NEBL: variants seen among roughly 807,000 people sequenced by gnomAD.
NEBL encodes the protein nebulette.
A neutral mutation model predicts 140.2 loss-of-function variants in NEBL; 122 were observed. The observed-to-expected ratio is 0.87, with a 90% CI of 0.75 to 1.01. The LOEUF is 1.01. Ranked by LOEUF, NEBL falls within the 50% of genes least tolerant of loss-of-function variation. The probability of loss-of-function intolerance (pLI) is 0.00; values close to 1 mark genes in which losing one functional copy is unlikely to be tolerated. For synonymous variants in NEBL, 436 were observed against 398.9 expected, an observed-to-expected ratio of 1.09 and a Z score of -1.11; for missense variants, 1,365 against 1,231.3, an observed-to-expected ratio of 1.11 and a Z score of -1.62.
intron 4 of NEBL, among the ~76,000 whole-genome samples, chr10:20,923,431 C>T (rs1833694719): frequency 6.6e-6 from 1 of 151,806 alleles, no homozygotes; most frequent in Non-Finnish European, 1.5e-5. Flanking sequence ...GTAATCCCAG[C>T]ACTTTGGGAG....
chr10:20,883,243 T>G (rs1248336243), intron 4 of NEBL, among the ~76,000 whole-genome samples: 1 of 152,220 alleles, frequency 6.6e-6, no homozygotes, highest in East Asian at 1.9e-4. Context: ...TTCTGTCAAC[T>G]GATACCTTTA....
intron 3 of NEBL, among the ~76,000 whole-genome samples, chr10:21,238,322 T>C (rs539563355): frequency 6.6e-6 from 1 of 152,312 alleles, no homozygotes; most frequent in South Asian, 2.1e-4. Flanking sequence ...ATGTCTAAAA[T>C]AGTTTGTACT....
chr10:21,002,754 T>C (rs2131719148), intron 3 of NEBL, among the ~76,000 whole-genome samples: 1 of 152,206 alleles, frequency 6.6e-6, no homozygotes, highest in Non-Finnish European at 1.5e-5. Flanking sequence ...AGAACTCACT[T>C]ACCATCACGA....
intron 2 of NEBL, among the ~76,000 whole-genome samples, chr10:21,130,174 T>C (rs1175381342): frequency 6.6e-6 from 1 of 152,008 alleles, no homozygotes; most frequent in Non-Finnish European, 1.5e-5. Context: ...TACATAATAA[T>C]AAAGGGGTCA....
At chr10:20,880,587 T>A (rs1322916802) in intron 5 of NEBL, among the ~76,000 whole-genome samples, 1 of 152,198 alleles carries the variant, frequency 6.6e-6, no homozygotes, top group East Asian at 1.9e-4. Context: ...TTCCAATGCC[T>A]GAAAGTGCCT....
chr10:21,061,829 T>C (rs1835320596), intron 2 of NEBL, among the ~76,000 whole-genome samples: 1 of 152,196 alleles, frequency 6.6e-6, no homozygotes, highest in Admixed American at 6.5e-5. Flanking sequence ...CCTGCAGTGA[T>C]TGTACTTGGG....
chr10:20,917,467 T>C (rs1833361138), intron 4 of NEBL, among the ~76,000 whole-genome samples: 1 of 152,190 alleles, frequency 6.6e-6, no homozygotes, highest in Non-Finnish European at 1.5e-5. Flanking sequence ...AGGCTGAAAG[T>C]TGAGACTGTT....
chr10:20,940,811 T>C (rs1391500998), intron 4 of NEBL, among the ~76,000 whole-genome samples: 4 of 152,112 alleles, frequency 2.6e-5, no homozygotes. Flanking sequence ...TAAACACCTC[T>C]ACGCAAATAA....
At chr10:21,096,181 C>T (rs1307356446) in intron 2 of NEBL, among the ~76,000 whole-genome samples, 1 of 152,098 alleles carries the variant, frequency 6.6e-6, no homozygotes, top group Non-Finnish European at 1.5e-5. Flanking sequence ...TGGAAAGAAA[C>T]AAACACTACT....
At chr10:20,866,064 G>A (rs568615690) in intron 7 of NEBL, among the ~76,000 whole-genome samples, 3 of 152,244 alleles carry the variant, frequency 2.0e-5, no homozygotes, top group South Asian at 2.1e-4. Context: ...CTTCAGTGAT[G>A]TCTTCTTTCT....
chr10:21,181,781 C>A (rs1841392094), intron 3 of NEBL, among the ~76,000 whole-genome samples: 1 of 152,228 alleles, frequency 6.6e-6, no homozygotes, highest in Non-Finnish European at 1.5e-5. Flanking sequence ...GTGGGCCCTC[C>A]TGCTTCTCTT....
chr10:21,050,060 A>G (rs1834703824), intron 2 of NEBL, among the ~76,000 whole-genome samples: 1 of 152,180 alleles, frequency 6.6e-6, no homozygotes, highest in Admixed American at 6.6e-5. Context: ...AGACTAGGTA[A>G]TATCTAAGGT....
intron 5 of NEBL, among the ~76,000 whole-genome samples, chr10:20,874,068 C>A (rs988557948): frequency 1.3e-5 from 2 of 152,158 alleles, no homozygotes; most frequent in East Asian, 3.9e-4. Flanking sequence ...AATAGTGATT[C>A]TGGTTTCTTC....
intron 3 of NEBL, among the ~76,000 whole-genome samples, chr10:20,966,615 C>T (rs1836328517): frequency 6.6e-6 from 1 of 152,216 alleles, no homozygotes; most frequent in Admixed American, 6.5e-5. Context: ...CTCCCAAGTT[C>T]ATGCAGGGTG....
Position 20,977,326 on chromosome 10 carries a change from G to A in NEBL, c.250-15547C>T, listed in dbSNP as rs114762423. Among the ~76,000 whole-genome samples, 679 of 152,264 alleles carry A rather than the reference G, an allele frequency of 4.5e-3. 6 individuals are homozygous for A. The highest frequency in any genetic ancestry group is 0.016 in the African/African-American group (648 of 41,526). ...TTTCTTCTAGTGGCAGGTCGTCTTC[G>A]TTCCCCCATTTCTTAACCAATGTTT... On this transcript the variant is annotated intron_variant, in intron 3 of 6. Transcript: ENST00000417816.
intron 2 of NEBL, chr10:21,112,914 G>A (rs1025891909): frequency 1.8e-5 from 7 of 381,036 alleles, no homozygotes; most frequent in Non-Finnish European, 3.6e-5. Context: ...GTCAGAAGAC[G>A]AAGAGGAGGA....
intron 3 of NEBL, among the ~76,000 whole-genome samples, chr10:21,209,312 G>A (rs879476830): frequency 1.4e-4 from 22 of 152,298 alleles, no homozygotes; most frequent in Middle Eastern, 3.4e-3. Context: ...AACACAGGAC[G>A]TTCGGTTAAA....
intron 3 of NEBL, among the ~76,000 whole-genome samples, chr10:20,888,987 T>G (rs775104490): frequency 6.6e-6 from 1 of 152,180 alleles, no homozygotes; most frequent in African/African-American, 2.4e-5. Flanking sequence ...TGTGCTAGCC[T>G]TCTGCTACCA....
At chr10:21,116,645 G>A (rs1337489615) in intron 2 of NEBL, among the ~76,000 whole-genome samples, 1 of 151,792 alleles carries the variant, frequency 6.6e-6, no homozygotes, top group Non-Finnish European at 1.5e-5. Flanking sequence ...ACATTTTCCT[G>A]CTTCTTTGAA....
Sources: allele counts gnomAD v4.1 joint callset (sites outside exome capture counted in the v4.1 genomes callset), GRCh38; gene constraint gnomAD v4.1.1; transcripts MANE v1.5; gene names NCBI Gene and HGNC (gene_info 2026-07-23, HGNC 2026-07-21).